Variants in SGSM1 observed in about 807,000 individuals in gnomAD.
SGSM1 encodes the protein small G protein signaling modulator 1.
A neutral mutation model predicts 133.8 loss-of-function variants in SGSM1; 73 were observed. The ratio of observed to expected loss-of-function variants is 0.55; its 90% CI spans 0.45 to 0.66. SGSM1 has a LOEUF of 0.66. Among genes scored for constraint, SGSM1 ranks in the 30% least tolerant of loss-of-function variants. SGSM1 has a pLI of 0.00. For missense variants in SGSM1, 1,213 were observed against 1,448.1 expected, an observed-to-expected ratio of 0.84 and a Z score of 2.64; for synonymous variants, 563 against 573.0, an observed-to-expected ratio of 0.98 and a Z score of 0.25.
In SGSM1 at chr22:24,859,375, A is replaced by G. The variant is rs138127787; in HGVS notation, c.802-341A>G. 1.9e-3 allele frequency among the ~76,000 whole-genome samples: 293 copies of G among 152,236 alleles called. 1 individual carries two copies. Among genetic ancestry groups the G allele is most frequent in the African/African-American group, 6.5e-3 (270 of 41,540 alleles). On this transcript the variant is annotated intron_variant, in intron 8 of 24. Transcript: ENST00000400358. ...CAAGATAAATGCCTTCTGTTTTGAAAAGCGTGATTTTCAGTGGGGCAGAGC... is the reference window on the plus strand; with the variant it reads ...CAAGATAAATGCCTTCTGTTTTGAAGAGCGTGATTTTCAGTGGGGCAGAGC...
chr22:24,856,280 T>A (rs1930781883), intron 8 of SGSM1, among the ~76,000 whole-genome samples: 1 of 152,222 alleles, frequency 6.6e-6, no homozygotes, highest in African/African-American at 2.4e-5. Context: ...TTCAACTGTA[T>A]TAACTCTTAA....
At chr22:24,878,576 G>A (rs867824458) in intron 13 of SGSM1, among the ~76,000 whole-genome samples, 10 of 152,186 alleles carry the variant, frequency 6.6e-5, no homozygotes, top group African/African-American at 2.4e-4. Flanking sequence ...CTCCTGGGAT[G>A]TCCTGAGAAC....
intron 8 of SGSM1, among the ~76,000 whole-genome samples, chr22:24,858,916 G>A (rs1930967099): frequency 6.6e-6 from 1 of 152,234 alleles, no homozygotes; most frequent in Admixed American, 6.5e-5. Flanking sequence ...GAGTCTGTGC[G>A]AGACCAGGCA....
At chr22:24,913,307 A>AG (rs1555938960) in intron 22 of SGSM1, among the ~76,000 whole-genome samples, 6 of 142,650 alleles carry the variant, frequency 4.2e-5, no homozygotes, top group African/African-American at 1.0e-4. Context: ...AAAAAAAAAA[A>AG]AAAGAAAGAA....
chr22:24,864,658 G>A (rs527580562), intron 9 of SGSM1, among the ~76,000 whole-genome samples: 25 of 152,310 alleles, frequency 1.6e-4, no homozygotes, highest in Admixed American at 5.2e-4. Flanking sequence ...ATTATTGTTG[G>A]TTGCCTAGGG....
At chr22:24,923,357 T>G (rs1460567464) in intron 24 of SGSM1, among the ~76,000 whole-genome samples, 6 of 94,226 alleles carry the variant, frequency 6.4e-5, no homozygotes, top group African/African-American at 1.9e-4. Flanking sequence ...GTGTTTTTCT[T>G]TTTTTTCTTT....
At chr22:24,882,100 G>A (rs115791753) in intron 14 of SGSM1, among the ~76,000 whole-genome samples, 3,280 of 151,908 alleles carry the variant, frequency 0.022, 109 homozygotes, top group African/African-American at 0.075. Flanking sequence ...TTTTGAGACA[G>A]GGTCTCGCCT....
intron 2 of SGSM1, chr22:24,813,723 T>C (rs1449981364): frequency 6.6e-6 from 1 of 152,364 alleles, no homozygotes; most frequent in Non-Finnish European, 1.5e-5. Flanking sequence ...GTGATGAGCA[T>C]CTGTGGCAGC....
intron 20 of SGSM1, among the ~76,000 whole-genome samples, chr22:24,903,017 G>A (rs922415682): frequency 3.3e-5 from 5 of 152,062 alleles, no homozygotes; most frequent in Non-Finnish European, 5.9e-5. Context: ...ACTCCAGCCC[G>A]GGCAACAGAA....
intron 12 of SGSM1, among the ~76,000 whole-genome samples, chr22:24,870,069 T>C (rs889497282): frequency 6.6e-6 from 1 of 152,344 alleles, no homozygotes; most frequent in Admixed American, 6.5e-5. Flanking sequence ...AGCCACGTGC[T>C]GGGCAGTGAG....
Position 24,917,248 on chromosome 22 carries a change from A to AT in SGSM1, c.2929-407dup, listed in dbSNP as rs1474083708. The stretch of plus-strand genomic sequence containing the variant: ...TTGCTGCATCATATGGAAATGATGT[A>AT]TTTAAGTTTTTGAGGAACTACCACA... On this transcript the variant is annotated intron_variant, in intron 22 of 24. Transcript: ENST00000400358. Among the ~76,000 whole-genome samples, 3 of 152,162 alleles carry AT rather than the reference A, an allele frequency of 2.0e-5. No individual in the cohort carries two copies. The East Asian group carries it at 5.8e-4, about 29-fold the overall frequency.
At chr22:24,853,582 T>C (rs201182857) in intron 5 of SGSM1, among the ~76,000 whole-genome samples, 1 of 151,730 alleles carries the variant, frequency 6.6e-6, no homozygotes, top group Non-Finnish European at 1.5e-5. Context: ...TGGGAAGGCC[T>C]CAGAATCATG....
At chr22:24,879,912 C>A (rs1245437991) in intron 14 of SGSM1, among the ~76,000 whole-genome samples, 1 of 152,114 alleles carries the variant, frequency 6.6e-6, no homozygotes, top group African/African-American at 2.4e-5. Context: ...TTCCTTCTCT[C>A]GTGGGCAGAA....
In SGSM1 at chr22:24,914,363, C is replaced by T. The variant is rs139686897; in HGVS notation, c.2928+1611C>T. Among the ~76,000 whole-genome samples the T allele has an allele frequency of 7.5e-3, 1,137 of 151,480 alleles. 16 individuals are homozygous for T. The highest frequency in any genetic ancestry group is 0.026 in the African/African-American group (1,079 of 41,286). The stretch of plus-strand genomic sequence containing the variant: ...CACACGCCTATAATCCCAGCTACAG[C>T]TACTCAGGAGGCTGAGGTAGGAGAA... On this transcript the variant is annotated intron_variant, in intron 22 of 24. Coordinates refer to ENST00000400358, the MANE Select transcript of SGSM1 (RefSeq NM_001098497.3).
At chr22:24,807,952 C>T (rs902503034) in intron 2 of SGSM1, among the ~76,000 whole-genome samples, 1 of 151,858 alleles carries the variant, frequency 6.6e-6, no homozygotes, top group Non-Finnish European at 1.5e-5. Flanking sequence ...AAAGAATGAG[C>T]TCCAGGGCTG....
At chr22:24,899,320 T>C (rs1933037011) in intron 19 of SGSM1, among the ~76,000 whole-genome samples, 1 of 152,040 alleles carries the variant, frequency 6.6e-6, no homozygotes. Context: ...TTGTTCTGTG[T>C]GTCCAAGGAC....
chr22:24,877,115 A>C (rs1386591170), intron 13 of SGSM1, among the ~76,000 whole-genome samples: 1 of 152,200 alleles, frequency 6.6e-6, no homozygotes, highest in East Asian at 1.9e-4. Context: ...CTACGATAAA[A>C]AGGCTCTGCC....
intron 2 of SGSM1, among the ~76,000 whole-genome samples, chr22:24,825,792 C>T (rs1272658223): frequency 6.6e-6 from 1 of 152,198 alleles, no homozygotes; most frequent in Non-Finnish European, 1.5e-5. Flanking sequence ...ACCATCCCCT[C>T]CACTGCCAGT....
intron 16 of SGSM1, among the ~76,000 whole-genome samples, chr22:24,893,184 A>T (rs1405367787): frequency 6.6e-6 from 1 of 152,208 alleles, no homozygotes; most frequent in East Asian, 1.9e-4. Flanking sequence ...AATAGTTGAA[A>T]TTTATATATG....
Sources: gnomAD v4.1 joint callset for allele counts (sites outside exome capture counted in the v4.1 genomes callset) on GRCh38, gnomAD v4.1.1 for gene constraint, MANE v1.5 for transcripts, NCBI Gene and HGNC (gene_info 2026-07-23, HGNC 2026-07-21) for gene names.